PPM1E: variants seen among roughly 807,000 people sequenced by gnomAD.
PPM1E encodes protein phosphatase, Mg2+/Mn2+ dependent 1E, also known as protein phosphatase 1E.
PPM1E carries 20 observed loss-of-function variants against 65.9 expected under a neutral mutation model. That is an observed-to-expected ratio of 0.30 (90% CI 0.21 to 0.44). The LOEUF (loss-of-function observed/expected upper bound fraction) is 0.44, where lower values mean the gene tolerates loss of function less well. Ranked by LOEUF, PPM1E falls within the 20% of genes least tolerant of loss-of-function variation. The pLI, the probability that PPM1E is intolerant of heterozygous loss-of-function variation, is 1.00. For synonymous variants in PPM1E, 352 were observed against 374.9 expected, an observed-to-expected ratio of 0.94 and a Z score of 0.70; for missense variants, 713 against 953.1, an observed-to-expected ratio of 0.75 and a Z score of 3.32.
intron 1 of PPM1E, among the ~76,000 whole-genome samples, chr17:58,903,053 G>C (rs1203561766): frequency 6.6e-6 from 1 of 152,100 alleles, no homozygotes; most frequent in Non-Finnish European, 1.5e-5. Flanking sequence ...CCCAAGAGTA[G>C]CGCAAAAACC....
At chr17:58,858,054 T>C (rs2050901606) in intron 1 of PPM1E, among the ~76,000 whole-genome samples, 1 of 152,168 alleles carries the variant, frequency 6.6e-6, no homozygotes, top group Non-Finnish European at 1.5e-5. Flanking sequence ...AAAACGTCAT[T>C]GTTACCAAAT....
intron 3 of PPM1E, among the ~76,000 whole-genome samples, chr17:58,968,086 G>A (rs2030371926): frequency 6.6e-6 from 1 of 152,134 alleles, no homozygotes; most frequent in Admixed American, 6.6e-5. Flanking sequence ...ACAGGTGTGA[G>A]CCACCGCACC....
chr17:58,930,093 T>C (rs1367574972), intron 1 of PPM1E, among the ~76,000 whole-genome samples: 1 of 152,100 alleles, frequency 6.6e-6, no homozygotes, highest in Non-Finnish European at 1.5e-5. Context: ...TCTATCACAA[T>C]TTATAAGAAT....
intron 1 of PPM1E, among the ~76,000 whole-genome samples, chr17:58,796,934 C>T (rs989990031): frequency 3.9e-5 from 6 of 151,982 alleles, no homozygotes; most frequent in Non-Finnish European, 5.9e-5. Context: ...GGTGAAACCC[C>T]GTCTCTACTA....
At chr17:58,806,867 G>GT (rs5821248) in intron 1 of PPM1E, among the ~76,000 whole-genome samples, 24,068 of 145,674 alleles carry the variant, frequency 0.17, 2,765 homozygotes, top group African/African-American at 0.31. Context: ...GCCCTGCTGT[G>GT]TTTTTTTTTT....
At chr17:58,931,397 A>C (rs1406654049) in intron 1 of PPM1E, among the ~76,000 whole-genome samples, 3 of 140,880 alleles carry the variant, frequency 2.1e-5, no homozygotes, top group Non-Finnish European at 4.7e-5. Flanking sequence ...AAAAAAAGGA[A>C]GGAAGGAAGG....
chr17:58,761,357 G>T (rs2049818995), intron 1 of PPM1E, among the ~76,000 whole-genome samples: 1 of 152,064 alleles, frequency 6.6e-6, no homozygotes. Context: ...CCTCTCTTTG[G>T]ACAAGTTTTT....
chr17:58,937,208 A>C (rs1230150189), intron 1 of PPM1E, among the ~76,000 whole-genome samples: 1 of 151,594 alleles, frequency 6.6e-6, no homozygotes, highest in East Asian at 1.9e-4. Flanking sequence ...TTTCAAATAT[A>C]AAATTTTATA....
At chr17:58,825,535 G>A (rs1007313063) in intron 1 of PPM1E, among the ~76,000 whole-genome samples, 3 of 151,568 alleles carry the variant, frequency 2.0e-5, no homozygotes, top group East Asian at 1.9e-4. Flanking sequence ...AAATGAAAAC[G>A]TATTTTTTTT....
rs531214061 is a variant in PPM1E, at chr17:58,956,271, T to TA, written c.583+509dup. Among the ~76,000 whole-genome samples the TA allele has an allele frequency of 5.8e-3, 878 of 151,998 alleles. 5 individuals are homozygous for TA. Among genetic ancestry groups the TA allele is most frequent in the African/African-American group, 9.4e-3 (391 of 41,458 alleles). ...CAACATGGTGAAACCCCATCTCTAC[T>TA]AAAAAGAATACAAAAATTAGCCGGT... On this transcript the variant is annotated intron_variant, in intron 2 of 6. Coordinates refer to ENST00000308249, the MANE Select transcript of PPM1E (RefSeq NM_014906.5).
intron 3 of PPM1E, chr17:58,966,207 C>T (rs1224259322): frequency 2.5e-6 from 1 of 398,108 alleles, no homozygotes; most frequent in Non-Finnish European, 4.7e-6. Context: ...ATTCTATAAA[C>T]ATATAAGCAA....
intron 1 of PPM1E, among the ~76,000 whole-genome samples, chr17:58,888,486 C>T (rs1409504466): frequency 2.6e-5 from 4 of 151,386 alleles, no homozygotes; most frequent in Non-Finnish European, 4.4e-5. Context: ...GCCTCAGCCT[C>T]CCGAGTAGCT....
intron 1 of PPM1E, among the ~76,000 whole-genome samples, chr17:58,829,923 A>G (rs1462940356): frequency 6.6e-6 from 1 of 152,166 alleles, no homozygotes; most frequent in Non-Finnish European, 1.5e-5. Flanking sequence ...GGTCATGCCT[A>G]TAATCCCAAT....
intron 1 of PPM1E, among the ~76,000 whole-genome samples, chr17:58,950,029 G>T (rs1000045673): frequency 6.6e-6 from 1 of 152,124 alleles, no homozygotes; most frequent in African/African-American, 2.4e-5. Context: ...CTTTTGAAAA[G>T]GAATTCTCTT....
At chr17:58,944,732 T>G (rs891239855) in intron 1 of PPM1E, among the ~76,000 whole-genome samples, 4 of 152,234 alleles carry the variant, frequency 2.6e-5, no homozygotes, top group Non-Finnish European at 5.9e-5. Flanking sequence ...TATTTATCCA[T>G]CAAGTGATGG....
chr17:58,806,698 CTTTTTTTTTT>C (rs57960498), intron 1 of PPM1E, among the ~76,000 whole-genome samples: 1 of 135,016 alleles, frequency 7.4e-6, no homozygotes, highest in Non-Finnish European at 1.6e-5. Context: ...GTTTTGTTTT[CTTTTTTTTTT>C]TTTTTTTTTG....
chr17:58,894,177 A>T (rs752904774), intron 1 of PPM1E, among the ~76,000 whole-genome samples: 1 of 152,140 alleles, frequency 6.6e-6, no homozygotes, highest in African/African-American at 2.4e-5. Context: ...GCTGGAGTAC[A>T]GTGGTGCAAT....
At chr17:58,784,759 G>A (rs375598780) in intron 1 of PPM1E, among the ~76,000 whole-genome samples, 3 of 151,954 alleles carry the variant, frequency 2.0e-5, no homozygotes, top group Non-Finnish European at 4.4e-5. Context: ...TCCTGACCTC[G>A]TGATCCGCCT....
chr17:58,870,976 G>C (rs1183115210), intron 1 of PPM1E, among the ~76,000 whole-genome samples: 1 of 152,108 alleles, frequency 6.6e-6, no homozygotes, highest in African/African-American at 2.4e-5. Context: ...ATGTGTCTTG[G>C]TGATCCCAAG....
Sources: allele counts gnomAD v4.1 joint callset (sites outside exome capture counted in the v4.1 genomes callset), GRCh38; gene constraint gnomAD v4.1.1; transcripts MANE v1.5; gene names NCBI Gene and HGNC (gene_info 2026-07-23, HGNC 2026-07-21).